Variants in MATK observed in about 807,000 individuals in gnomAD.
MATK encodes the protein megakaryocyte-associated tyrosine-protein kinase.
A neutral mutation model predicts 59.8 loss-of-function variants in MATK; 41 were observed. That is an observed-to-expected ratio of 0.69 (90% confidence interval 0.53 to 0.89). MATK has a LOEUF of 0.89. MATK is among the 40% of genes least tolerant of loss of function. The pLI, the probability that MATK is intolerant of heterozygous loss-of-function variation, is 0.00. For synonymous variants in MATK, 308 were observed against 306.1 expected, an observed-to-expected ratio of 1.01 and a Z score of -0.06; for missense variants, 593 against 719.6, an observed-to-expected ratio of 0.82 and a Z score of 2.01.
intron 1 of MATK, among the ~76,000 whole-genome samples, chr19:3,792,570 G>A (rs1021075495): frequency 8.0e-5 from 11 of 136,946 alleles, no homozygotes; most frequent in Non-Finnish European, 1.4e-4. Flanking sequence ...CTGGAGTGCA[G>A]TGGTGCGATC....
At chr19:3,779,352 C>G (rs369331552) in intron 11 of MATK, 26 bp downstream of exon 11, 1 of 1,611,652 alleles carries the variant, frequency 6.2e-7, no homozygotes, top group Non-Finnish European at 8.5e-7. Context: ...ACCCCAGTGC[C>G]GCAGCACCCT....
At chr19:3,783,700 TG>T in intron 6 of MATK, 113 bp downstream of exon 6, 2 of 925,278 alleles carry the variant, frequency 2.2e-6, no homozygotes, top group Non-Finnish European at 3.3e-6. Context: ...GCCCAGCTGC[TG>T]GGGAAGGGAT....
At chr19:3,792,175 C>G (rs2037549176) in intron 1 of MATK, among the ~76,000 whole-genome samples, 1 of 151,880 alleles carries the variant, frequency 6.6e-6, no homozygotes, top group Non-Finnish European at 1.5e-5. Flanking sequence ...CATCCTTGAT[C>G]ACACAGCTGG....
intron 1 of MATK, among the ~76,000 whole-genome samples, chr19:3,799,214 T>C (rs1309264385): frequency 6.6e-6 from 1 of 152,136 alleles, no homozygotes; most frequent in African/African-American, 2.4e-5. Flanking sequence ...TCTTACTGAA[T>C]TCTCCTCACA....
At chr19:3,791,928 CA>C (rs1422397357) in intron 1 of MATK, among the ~76,000 whole-genome samples, 1 of 151,884 alleles carries the variant, frequency 6.6e-6, no homozygotes, top group Admixed American at 6.6e-5. Context: ...GCCAACATGG[CA>C]AAACCCCGTC....
At chr19:3,778,859 T>C in intron 12 of MATK, 133 bp downstream of exon 12, 9 of 997,334 alleles carry the variant, frequency 9.0e-6, no homozygotes, top group Non-Finnish European at 1.3e-5. Flanking sequence ...GGAACAATTA[T>C]GGGCCAAGAG....
At chr19:3,797,717 C>A (rs1357611166) in intron 1 of MATK, among the ~76,000 whole-genome samples, 5 of 151,912 alleles carry the variant, frequency 3.3e-5, no homozygotes. Flanking sequence ...CATAGTGAGA[C>A]CCCAATCTCC....
At chr19:3,782,707 G>T in intron 7 of MATK, 1 of 208,064 alleles carries the variant, frequency 4.8e-6, no homozygotes, top group East Asian at 1.4e-4. Context: ...AGATAACCTT[G>T]AGGCTGCACT....
At chr19:3,786,838 G>C (rs1020542438), upstream of MATK, among the ~76,000 whole-genome samples, 4 of 152,070 alleles carry the variant, frequency 2.6e-5, no homozygotes, top group Non-Finnish European at 4.4e-5. This position sits in a 1 kb window ranked among gnomAD's most constrained non-coding sequence, Gnocchi z 4.1. Flanking sequence ...CAGAATCATC[G>C]GGAACTGTAA....
intron 1 of MATK, among the ~76,000 whole-genome samples, chr19:3,796,607 C>T (rs924522628): frequency 2.6e-5 from 4 of 152,206 alleles, no homozygotes; most frequent in East Asian, 1.9e-4. Context: ...ACTCTTTCCC[C>T]CAGCCTCTCC....
chr19:3,790,015 C>T (rs568550482), upstream of MATK, among the ~76,000 whole-genome samples: 1 of 152,318 alleles, frequency 6.6e-6, no homozygotes, highest in South Asian at 2.1e-4. Context: ...GATTCGCCTT[C>T]CTCAGCCTCC....
Position 3,779,932 on chromosome 19 carries a change from A to G in MATK, c.743-135T>C, listed in dbSNP as rs1011112785. The G allele has an allele frequency of 7.5e-6, 5 of 665,352 alleles. No individual in the cohort carries two copies. The African/African-American group carries it at 8.8e-5, about 12-fold the overall frequency. The allele number at this position is 665,352 out of a possible 1,614,324, so 41.2% of individuals were successfully genotyped here. A position where few individuals can be genotyped will look rare whatever the true frequency, so the allele number is the denominator to read the frequency against. ...GCTGCGGGTCCCCAGACCTTGAAACACAGACCCCATGCTCCTCACCCCTGC... is the reference window on the plus strand; with the variant it reads ...GCTGCGGGTCCCCAGACCTTGAAACGCAGACCCCATGCTCCTCACCCCTGC... On this transcript the variant is annotated intron_variant, in intron 8 of 13. Coordinates refer to ENST00000310132, the MANE Select transcript of MATK (RefSeq NM_139355.3).
At position 3,786,161 on chromosome 19, in the gene MATK, G is replaced by A. The variant is rs1268057298; in HGVS notation, c.-152+8C>T. On this transcript the variant is annotated splice_region_variant and intron_variant, in intron 1 of 13. Transcript: ENST00000310132. This position sits in a 1 kb window ranked among gnomAD's most constrained non-coding sequence, Gnocchi z 4.1. ...GGTCTCTCCACGTCTCCCCGCCGAC[G>A]TGCTCACCTGCTCAGGGGGCGCCCC... 5.1e-6 allele frequency: 5 copies of A among 974,746 alleles called. No individual in the cohort carries two copies. In the East Asian group the frequency reaches 3.5e-4, roughly 67 times the overall value. The allele number at this position is 974,746 out of a possible 1,614,324, so 60.4% of individuals were successfully genotyped here.
At chr19:3,795,628 T>C (rs1454970444) in intron 1 of MATK, among the ~76,000 whole-genome samples, 2 of 152,002 alleles carry the variant, frequency 1.3e-5, no homozygotes, top group Non-Finnish European at 2.9e-5. Flanking sequence ...TATTTACAAA[T>C]GTAAAAAAAC....
In MATK at chr19:3,783,230, G is replaced by A. The variant is rs1176632177; in HGVS notation, c.583-11C>T. The A allele has an allele frequency of 1.2e-6, 2 of 1,602,846 alleles. No individual in the cohort carries two copies. Among genetic ancestry groups the A allele is most frequent in the South Asian group, 2.2e-5 (2 of 90,894 alleles). On this transcript the variant is annotated splice_polypyrimidine_tract_variant and intron_variant, in intron 6 of 13. Coordinates refer to ENST00000310132, the MANE Select transcript of MATK (RefSeq NM_139355.3). ...GTCCTTGCTGTAATGCTGCAGGATG[G>A]TGGGACAGCCATGAGCCCAGCCCCA...
chr19:3,786,143 C>T lies in MATK; in HGVS notation c.-152+26G>A. 1.0e-6 allele frequency: 1 copy of T among 958,820 alleles called. No homozygotes were observed. Among genetic ancestry groups the T allele is most frequent in the Non-Finnish European group, 1.2e-6 (1 of 805,810 alleles). 59.4% of individuals were successfully genotyped at this position (958,820 alleles called of 1,614,324 possible). A position where few individuals can be genotyped will look rare whatever the true frequency, so the allele number is the denominator to read the frequency against. On this transcript the variant is annotated intron_variant, in intron 1 of 13. Transcript: ENST00000310132. The surrounding 1 kb of genome is among the most constrained non-coding windows in gnomAD (Gnocchi z 4.1). The stretch of plus-strand genomic sequence containing the variant: ...CCCCCACCCCGGCCTCGGGGTCTCT[C>T]CACGTCTCCCCGCCGACGTGCTCAC...
intron 6 of MATK, 193 bp from the exon 7 acceptor site, chr19:3,783,412 T>G: frequency 1.6e-6 from 1 of 610,126 alleles, no homozygotes; most frequent in South Asian, 1.9e-5. Context: ...ACTTGGGGGG[T>G]CCTGGGGGGT....
rs1324569940 is a variant in MATK, at chr19:3,786,209, C to T, written c.-192G>A. Reference sequence around the variant, plus strand: ...CCCCGAGCCGCGCCCCGCGCCCGCCCCCAGGAGGGCCTCCGCGAGCCGGCT... The same window carrying T: ...CCCCGAGCCGCGCCCCGCGCCCGCCTCCAGGAGGGCCTCCGCGAGCCGGCT... On this transcript the variant is annotated 5_prime_UTR_variant, in exon 1 of 14. Coordinates refer to ENST00000310132, the MANE Select transcript of MATK (RefSeq NM_139355.3). The surrounding 1 kb of genome is among the most constrained non-coding windows in gnomAD (Gnocchi z 4.1). 8 of 984,102 alleles carry T rather than the reference C, an allele frequency of 8.1e-6. No homozygotes were observed. The highest frequency in any genetic ancestry group is 1.7e-5 in the African/African-American group (1 of 57,194). The allele number at this position is 984,102 out of a possible 1,614,324, so 61.0% of individuals were successfully genotyped here.
chr19:3,798,810 C>A (rs1159549376), intron 1 of MATK, among the ~76,000 whole-genome samples: 2 of 151,502 alleles, frequency 1.3e-5, no homozygotes, highest in African/African-American at 2.4e-5. Flanking sequence ...CCGTGCCCGG[C>A]CTGTTTTTTT....
Sources: gnomAD v4.1 joint callset for allele counts (sites outside exome capture counted in the v4.1 genomes callset) on GRCh38, gnomAD v4.1.1 for gene constraint, Gnocchi (gnomAD v3.1) non-coding constraint, MANE v1.5 for transcripts, NCBI Gene and HGNC (gene_info 2026-07-23, HGNC 2026-07-21) for gene names.